NOL4: variants seen among roughly 807,000 people sequenced by gnomAD.
The protein encoded by NOL4 is cancer/testis antigen 125.
A neutral mutation model predicts 75.9 loss-of-function variants in NOL4; 17 were observed. The observed-to-expected ratio is 0.22, with a 90% confidence interval of 0.15 to 0.34. The LOEUF (loss-of-function observed/expected upper bound fraction) is 0.34. NOL4 is among the 10% of genes least tolerant of loss of function. The pLI is 1.00. For synonymous variants in NOL4, 292 were observed against 289.9 expected, an observed-to-expected ratio of 1.01 and a Z score of -0.07; for missense variants, 614 against 793.5, an observed-to-expected ratio of 0.77 and a Z score of 2.72.
At chr18:34,074,216 T>C (rs2077647007) in intron 5 of NOL4, among the ~76,000 whole-genome samples, 1 of 151,752 alleles carries the variant, frequency 6.6e-6, no homozygotes, top group Non-Finnish European at 1.5e-5. Context: ...AATATTCATA[T>C]TTTTTAATAT....
At chr18:33,947,361 C>A (rs1228290266) in intron 8 of NOL4, among the ~76,000 whole-genome samples, 1 of 151,528 alleles carries the variant, frequency 6.6e-6, no homozygotes, top group Non-Finnish European at 1.5e-5. Flanking sequence ...GGAATATGGT[C>A]ATAGATTTCA....
intron 2 of NOL4, among the ~76,000 whole-genome samples, chr18:34,108,434 T>A (rs533205435): frequency 1.8e-4 from 28 of 152,180 alleles, no homozygotes; most frequent in African/African-American, 5.3e-4. Context: ...GAACTAACTA[T>A]ATGCTGTCTA....
chr18:33,905,000 C>A (rs1478977808), intron 9 of NOL4, among the ~76,000 whole-genome samples: 1 of 152,118 alleles, frequency 6.6e-6, no homozygotes, highest in Non-Finnish European at 1.5e-5. Flanking sequence ...TTTCAAAGAA[C>A]TAATTTAACT....
chr18:34,120,886 C>G (rs1026063614), intron 2 of NOL4, among the ~76,000 whole-genome samples: 7 of 152,084 alleles, frequency 4.6e-5, no homozygotes, highest in Admixed American at 3.9e-4. Context: ...TATCAGTATA[C>G]ATTAGTAGAC....
intron 1 of NOL4, among the ~76,000 whole-genome samples, chr18:34,199,331 A>T (rs1180067414): frequency 1.3e-5 from 2 of 151,734 alleles, no homozygotes; most frequent in African/African-American, 2.4e-5. Context: ...CAACCTAATC[A>T]GCATTTTAAG....
intron 6 of NOL4, among the ~76,000 whole-genome samples, chr18:34,011,883 A>C (rs1338768511): frequency 1.3e-5 from 2 of 151,932 alleles, no homozygotes; most frequent in African/African-American, 4.8e-5. Context: ...ACTAACTCAT[A>C]TGAACTATTA....
At chr18:33,975,996 G>A (rs1046042265) in intron 6 of NOL4, among the ~76,000 whole-genome samples, 1 of 152,130 alleles carries the variant, frequency 6.6e-6, no homozygotes, top group African/African-American at 2.4e-5. Flanking sequence ...ATTTATTAAT[G>A]ACAGGAAATC....
intron 1 of NOL4, among the ~76,000 whole-genome samples, chr18:34,137,504 T>C (rs538326144): frequency 2.0e-5 from 3 of 152,206 alleles, no homozygotes; most frequent in Non-Finnish European, 2.9e-5. Context: ...CAAAAAGATG[T>C]TTAAATGACA....
chr18:34,000,796 C>A (rs1024015554), intron 6 of NOL4, among the ~76,000 whole-genome samples: 1 of 152,014 alleles, frequency 6.6e-6, no homozygotes, highest in Non-Finnish European at 1.5e-5. Context: ...TACCTCAGTG[C>A]CTGGAAACTT....
At chr18:33,998,627 C>T (rs1409072318) in intron 6 of NOL4, among the ~76,000 whole-genome samples, 1 of 151,798 alleles carries the variant, frequency 6.6e-6, no homozygotes, top group East Asian at 1.9e-4. Context: ...AGATATGTGC[C>T]CATAGATGGT....
intron 5 of NOL4, among the ~76,000 whole-genome samples, chr18:34,029,648 G>A (rs946761749): frequency 6.6e-6 from 1 of 152,060 alleles, no homozygotes; most frequent in African/African-American, 2.4e-5. Flanking sequence ...GTGATACTGC[G>A]AACACCTGCC....
chr18:34,020,186 T>C (rs1007709228), intron 5 of NOL4, among the ~76,000 whole-genome samples: 1 of 151,918 alleles, frequency 6.6e-6, no homozygotes, highest in African/African-American at 2.4e-5. Flanking sequence ...GCAACGCAAA[T>C]GGGCTAACAC....
chr18:34,092,571 C>A (rs1452865677), intron 5 of NOL4, among the ~76,000 whole-genome samples: 1 of 151,852 alleles, frequency 6.6e-6, no homozygotes, highest in Non-Finnish European at 1.5e-5. Context: ...TTTGTAATAG[C>A]AACTGTCAGA....
intron 5 of NOL4, among the ~76,000 whole-genome samples, chr18:34,031,857 T>C (rs983809540): frequency 2.0e-5 from 3 of 152,300 alleles, no homozygotes; most frequent in East Asian, 1.9e-4. Context: ...TCACCCTTCA[T>C]AGGTCCTGAA....
intron 5 of NOL4, among the ~76,000 whole-genome samples, chr18:34,048,175 A>G (rs1057049376): frequency 1.3e-5 from 2 of 152,160 alleles, no homozygotes; most frequent in Non-Finnish European, 2.9e-5. Flanking sequence ...TAAATAAATT[A>G]AATGCCAAAA....
intron 5 of NOL4, among the ~76,000 whole-genome samples, chr18:34,079,479 G>A (rs567853553): frequency 6.6e-6 from 1 of 152,008 alleles, no homozygotes; most frequent in South Asian, 2.1e-4. Flanking sequence ...CCATGCCATT[G>A]TTGCTGAACC....
Position 34,222,168 on chromosome 18 carries a change from C to T in NOL4, c.264+822G>A, listed in dbSNP as rs2037362862. The T allele has an allele frequency of 2.7e-6, 4 of 1,495,560 alleles. No homozygotes were observed. The South Asian group carries it at 5.1e-5, about 19-fold the overall frequency. The allele number at this position is 1,495,560 out of a possible 1,614,324, so 92.6% of individuals were successfully genotyped here. ...GCGTGAGGCTGAGATGCATTGGGCT[C>T]TCAATGCCAGTGCCTCGCGGCGCCT... On this transcript the variant is annotated intron_variant, in intron 1 of 10. Coordinates refer to ENST00000261592, the MANE Select transcript of NOL4 (RefSeq NM_003787.5).
chr18:34,022,649 A>C (rs913358367), intron 5 of NOL4, among the ~76,000 whole-genome samples: 19 of 152,050 alleles, frequency 1.2e-4, no homozygotes, highest in African/African-American at 4.6e-4. Flanking sequence ...TCATGAAAAA[A>C]AGTGATTTAA....
chr18:34,191,130 G>A (rs2034882998), intron 1 of NOL4, among the ~76,000 whole-genome samples: 1 of 152,062 alleles, frequency 6.6e-6, no homozygotes, highest in African/African-American at 2.4e-5. Flanking sequence ...CACAATTTCA[G>A]GTCGTGGACA....
Sources: gnomAD v4.1 joint callset for allele counts (sites outside exome capture counted in the v4.1 genomes callset) on GRCh38, gnomAD v4.1.1 for gene constraint, MANE v1.5 for transcripts, NCBI Gene and HGNC (gene_info 2026-07-23, HGNC 2026-07-21) for gene names.